The following SH3GL3 variants were observed in gnomAD, a reference collection of about 807,000 sequenced individuals.
SH3GL3 encodes the protein endophilin-A3.
In SH3GL3, 33 loss-of-function variants were observed where a neutral mutation model predicts 47.7. That is an observed-to-expected ratio of 0.69 (90% CI 0.52 to 0.92). SH3GL3 has a LOEUF of 0.92. SH3GL3 is among the 40% of genes least tolerant of loss of function. SH3GL3 has a pLI of 0.00. For missense variants in SH3GL3, 363 were observed against 417.8 expected, an observed-to-expected ratio of 0.87 and a Z score of 1.14; for synonymous variants, 155 against 148.8, an observed-to-expected ratio of 1.04 and a Z score of -0.30.
chr15:83,600,077 A>G (rs2060340923), intron 8 of SH3GL3, among the ~76,000 whole-genome samples: 1 of 152,028 alleles, frequency 6.6e-6, no homozygotes, highest in African/African-American at 2.4e-5. Flanking sequence ...AGTTCCTTGT[A>G]GATTCTGGAT....
At chr15:83,560,169 G>C (rs2045190635) in intron 2 of SH3GL3, among the ~76,000 whole-genome samples, 1 of 152,152 alleles carries the variant, frequency 6.6e-6, no homozygotes, top group African/African-American at 2.4e-5. Context: ...TCCACCCTCA[G>C]GTGTAACATC....
chr15:83,480,898 C>T (rs562383724), intron 1 of SH3GL3, among the ~76,000 whole-genome samples: 1 of 152,272 alleles, frequency 6.6e-6, no homozygotes, highest in African/African-American at 2.4e-5. Flanking sequence ...TGGAACCATT[C>T]CCCCATGGAT....
chr15:83,477,378 C>G (rs1477444850), intron 1 of SH3GL3, among the ~76,000 whole-genome samples: 1 of 151,976 alleles, frequency 6.6e-6, no homozygotes, highest in African/African-American at 2.4e-5. Context: ...CTTTTCTTGC[C>G]AATTCTCTAC....
At chr15:83,580,659 CA>C (rs1277615000) in intron 6 of SH3GL3, among the ~76,000 whole-genome samples, 1 of 152,264 alleles carries the variant, frequency 6.6e-6, no homozygotes, top group Non-Finnish European at 1.5e-5. Flanking sequence ...TGCTGAAGGA[CA>C]TGGCCTGGGC....
intron 1 of SH3GL3, among the ~76,000 whole-genome samples, chr15:83,536,153 T>C (rs1247519086): frequency 6.6e-6 from 1 of 152,170 alleles, no homozygotes; most frequent in East Asian, 1.9e-4. Flanking sequence ...ATTGGGAACA[T>C]TTATTCTAGT....
At chr15:83,576,508 T>C in intron 5 of SH3GL3, 75 bp from the exon 6 acceptor site, 1 of 1,387,900 alleles carries the variant, frequency 7.2e-7, no homozygotes, top group Non-Finnish European at 9.8e-7. Context: ...GCAATGACCA[T>C]TTTAATAGAA....
At chr15:83,612,710 C>T (rs1201027523) in intron 8 of SH3GL3, among the ~76,000 whole-genome samples, 5 of 152,148 alleles carry the variant, frequency 3.3e-5, no homozygotes, top group African/African-American at 1.2e-4. Flanking sequence ...TCACTGCAGG[C>T]CCCTTCCCTG....
chr15:83,628,673 G>A, the SH3GL3 span, among the ~76,000 whole-genome samples: 1 of 152,178 alleles, frequency 6.6e-6, no homozygotes, highest in African/African-American at 2.4e-5. Context: ...AACCTGGGAG[G>A]TGGAGATTAC....
chr15:83,547,273 T>A (rs1388678519), intron 1 of SH3GL3, among the ~76,000 whole-genome samples: 1 of 152,174 alleles, frequency 6.6e-6, no homozygotes, highest in African/African-American at 2.4e-5. Flanking sequence ...CTAGTCTAAG[T>A]GCTCCCTCCA....
At position 83,547,926 on chromosome 15, in the gene SH3GL3, C is replaced by A. The variant is rs546790862; in HGVS notation, c.46-11327C>A. Among the ~76,000 whole-genome samples the A allele has an allele frequency of 2.0e-5, 3 of 147,128 alleles. No homozygotes were observed. In the South Asian group the frequency reaches 6.6e-4, roughly 32 times the overall value. On this transcript the variant is annotated intron_variant, in intron 1 of 8. Transcript: ENST00000427482. ...TATTTATCTCATTCATTCTTTGCTT[C>A]TTTCTCCTTTCTTGCCTTCTTTTGG... is the stretch of plus-strand genomic sequence containing the variant.
intron 8 of SH3GL3, among the ~76,000 whole-genome samples, chr15:83,614,952 A>T (rs1727913379): frequency 1.3e-5 from 2 of 152,188 alleles, no homozygotes. Context: ...TATTCTCTTT[A>T]CTTGGACCTA....
chr15:83,596,808 T>C (rs1026068789), intron 8 of SH3GL3, among the ~76,000 whole-genome samples: 6 of 152,030 alleles, frequency 3.9e-5, no homozygotes, highest in Non-Finnish European at 8.8e-5. Flanking sequence ...TAAATATCCT[T>C]CTCCTCTATT....
At chr15:83,615,463 C>T (rs1477311532) in intron 8 of SH3GL3, among the ~76,000 whole-genome samples, 1 of 152,058 alleles carries the variant, frequency 6.6e-6, no homozygotes, top group African/African-American at 2.4e-5. Context: ...TACAGACATG[C>T]GCTACCATGC....
At chr15:83,557,714 G>A (rs888311036) in intron 1 of SH3GL3, among the ~76,000 whole-genome samples, 1 of 152,130 alleles carries the variant, frequency 6.6e-6, no homozygotes, top group African/African-American at 2.4e-5. Flanking sequence ...TTGTTCACAG[G>A]GTAGCAACAG....
chr15:83,568,989 C>T (rs1381958571), intron 4 of SH3GL3, among the ~76,000 whole-genome samples: 7 of 151,394 alleles, frequency 4.6e-5, no homozygotes, highest in African/African-American at 1.7e-4. Context: ...CTCCACCTCC[C>T]AGGTTCAAAC....
chr15:83,519,912 G>C (rs774095640), intron 1 of SH3GL3, among the ~76,000 whole-genome samples: 3 of 152,156 alleles, frequency 2.0e-5, no homozygotes, highest in Non-Finnish European at 4.4e-5. Flanking sequence ...TGTAAGTCAA[G>C]AACTGTGGAG....
chr15:83,477,842 A>C (rs985415560), intron 1 of SH3GL3, among the ~76,000 whole-genome samples: 4 of 152,176 alleles, frequency 2.6e-5, no homozygotes, highest in Non-Finnish European at 5.9e-5. Context: ...CAAAATAAGG[A>C]GTGTACTATC....
rs553400707 is a variant in SH3GL3, at chr15:83,577,877, G to A, written c.624+1136G>A. On this transcript the variant is annotated intron_variant, in intron 6 of 8. Transcript: ENST00000427482. Reference sequence around the variant, plus strand: ...TTTTGCTGAGACTGAAAAGTACTTGGCAAGGCAGATGGTTAAGGGAGAACA... The same window carrying A: ...TTTTGCTGAGACTGAAAAGTACTTGACAAGGCAGATGGTTAAGGGAGAACA... Among the ~76,000 whole-genome samples, 4 of 152,330 alleles carry A rather than the reference G, an allele frequency of 2.6e-5. No individual in the cohort carries two copies. In the South Asian group the frequency reaches 8.3e-4, roughly 32 times the overall value.
chr15:83,607,779 AG>A (rs1172191668), intron 8 of SH3GL3, among the ~76,000 whole-genome samples: 1 of 151,924 alleles, frequency 6.6e-6, no homozygotes, highest in Admixed American at 6.6e-5. Flanking sequence ...GCCAATGGCC[AG>A]AAAGCCAACT....
Sources: allele counts gnomAD v4.1 joint callset (sites outside exome capture counted in the v4.1 genomes callset), GRCh38; gene constraint gnomAD v4.1.1; transcripts MANE v1.5; gene names NCBI Gene and HGNC (gene_info 2026-07-23, HGNC 2026-07-21).